The following RORB variants were observed in gnomAD, a reference collection of about 807,000 sequenced individuals.
RORB encodes nuclear receptor ROR-beta.
Under a neutral mutation model 59.1 loss-of-function variants are expected in RORB, and 6 were observed. That is an observed-to-expected ratio of 0.10 (90% confidence interval 0.06 to 0.20). The LOEUF (loss-of-function observed/expected upper bound fraction) is 0.20. Ranked by LOEUF, RORB falls within the 10% of genes least tolerant of loss-of-function variation. The probability of loss-of-function intolerance (pLI) is 1.00; values close to 1 mark genes in which losing one functional copy is unlikely to be tolerated. For synonymous variants in RORB, 215 were observed against 204.5 expected (o/e 1.05, Z -0.44); for missense variants, 320 against 560.5 (o/e 0.57, Z 4.33).
Position 74,692,613 on chromosome 9 carries a change from G to A in RORB, c.*6995G>A, listed in dbSNP as rs1033597736. ...TCTCATTAGCATGCACACCACTGTT[G>A]GCAATGCATAAAAGTTGCATTGCCA... is the stretch of plus-strand genomic sequence containing the variant. On this transcript the variant is annotated 3_prime_UTR_variant, in exon 10 of 10. Coordinates refer to ENST00000376896, the MANE Select transcript of RORB (RefSeq NM_006914.4). 1.3e-5 allele frequency: 2 copies of A among 151,946 alleles called. No homozygotes were observed. The highest frequency in any genetic ancestry group is 2.9e-5 in the Non-Finnish European group (2 of 67,990). The allele number at this position is 151,946 out of a possible 1,614,324, so 9.4% of individuals were successfully genotyped here.
At chr9:74,681,949 T>C (rs1824553997) in intron 9 of RORB, among the ~76,000 whole-genome samples, 1 of 152,224 alleles carries the variant, frequency 6.6e-6, no homozygotes, top group East Asian at 1.9e-4. Flanking sequence ...GACTTTGCCA[T>C]GCATTAACTT....
intron 1 of RORB, among the ~76,000 whole-genome samples, chr9:74,543,372 C>A (rs888793405): frequency 6.6e-6 from 1 of 152,206 alleles, no homozygotes; most frequent in Non-Finnish European, 1.5e-5. Flanking sequence ...GCCACTCGTC[C>A]AACTCATGTA....
chr9:74,534,543 A>G (rs757158463), intron 1 of RORB, among the ~76,000 whole-genome samples: 1 of 152,028 alleles, frequency 6.6e-6, no homozygotes, highest in Non-Finnish European at 1.5e-5. Flanking sequence ...CCCTGGCACC[A>G]GAGTGATGGC....
chr9:74,508,454 T>C (rs1484819412), intron 1 of RORB, among the ~76,000 whole-genome samples: 2 of 152,082 alleles, frequency 1.3e-5, no homozygotes, highest in South Asian at 2.1e-4. Flanking sequence ...TGTTCATTAA[T>C]GATTTTTGAA....
chr9:74,680,329 C>T (rs1824527068), intron 9 of RORB, among the ~76,000 whole-genome samples: 1 of 152,178 alleles, frequency 6.6e-6, no homozygotes, highest in African/African-American at 2.4e-5. Context: ...GTATCTACTT[C>T]ATTCTTCTCC....
At chr9:74,573,564 A>G (rs1587365412) in intron 1 of RORB, among the ~76,000 whole-genome samples, 1 of 152,014 alleles carries the variant, frequency 6.6e-6, no homozygotes, top group African/African-American at 2.4e-5. Context: ...TTGACATGAA[A>G]TCAAATTCAA....
At chr9:74,673,020 G>A (rs79851566) in intron 9 of RORB, among the ~76,000 whole-genome samples, 279 of 152,224 alleles carry the variant, frequency 1.8e-3, no homozygotes, top group African/African-American at 6.6e-3. Context: ...CTTCATTATG[G>A]TAACATTTTG....
intron 1 of RORB, among the ~76,000 whole-genome samples, chr9:74,615,220 C>G (rs1048806735): frequency 6.6e-6 from 1 of 152,074 alleles, no homozygotes; most frequent in African/African-American, 2.4e-5. Context: ...TTGTTACATG[C>G]CATATGCATA....
intron 9 of RORB, among the ~76,000 whole-genome samples, chr9:74,684,215 A>C (rs1824597219): frequency 6.6e-6 from 1 of 152,242 alleles, no homozygotes; most frequent in African/African-American, 2.4e-5. Flanking sequence ...TTAATGAAAG[A>C]GTGGAAGTTT....
chr9:74,587,144 G>T (rs1408816412), intron 1 of RORB, among the ~76,000 whole-genome samples: 1 of 152,136 alleles, frequency 6.6e-6, no homozygotes, highest in African/African-American at 2.4e-5. Context: ...AATTAAGGAG[G>T]TCCAGCCTAG....
chr9:74,552,226 CTCA>C (rs1281217424), intron 1 of RORB, among the ~76,000 whole-genome samples: 1 of 152,112 alleles, frequency 6.6e-6, no homozygotes, highest in African/African-American at 2.4e-5. Context: ...TAATGAGAAT[CTCA>C]TCAGTGGAAG....
intron 1 of RORB, among the ~76,000 whole-genome samples, chr9:74,512,401 T>C (rs564548625): frequency 6.6e-6 from 1 of 152,320 alleles, no homozygotes; most frequent in South Asian, 2.1e-4. Flanking sequence ...CATAAGACTG[T>C]TATAAACTCA....
At chr9:74,635,310 C>A (rs895306262) in intron 3 of RORB, among the ~76,000 whole-genome samples, 2 of 152,140 alleles carry the variant, frequency 1.3e-5, no homozygotes, top group African/African-American at 2.4e-5. Flanking sequence ...AAGGCTAGAG[C>A]GAAGTCCAAG....
At chr9:74,568,198 A>G (rs1303918576) in intron 1 of RORB, among the ~76,000 whole-genome samples, 1 of 152,170 alleles carries the variant, frequency 6.6e-6, no homozygotes, top group Admixed American at 6.5e-5. Context: ...ACACTCACAA[A>G]AGCTGCTTGA....
intron 1 of RORB, among the ~76,000 whole-genome samples, chr9:74,574,534 G>A (rs1822601632): frequency 2.6e-5 from 4 of 152,004 alleles, no homozygotes; most frequent in Admixed American, 2.6e-4. Context: ...ATAAAGCATG[G>A]AATCTGGTAA....
intron 4 of RORB, among the ~76,000 whole-genome samples, chr9:74,650,033 C>T (rs904131286): frequency 6.6e-6 from 1 of 152,130 alleles, no homozygotes; most frequent in South Asian, 2.1e-4. Flanking sequence ...ACAACAAAAT[C>T]TTATTGAGAA....
At chr9:74,611,144 C>T (rs1339437334) in intron 1 of RORB, among the ~76,000 whole-genome samples, 1 of 152,092 alleles carries the variant, frequency 6.6e-6, no homozygotes, top group Non-Finnish European at 1.5e-5. Flanking sequence ...TGCATAATAG[C>T]TGCTGCCTAC....
At chr9:74,610,294 AG>A (rs909492616) in intron 1 of RORB, among the ~76,000 whole-genome samples, 1 of 152,202 alleles carries the variant, frequency 6.6e-6, no homozygotes, top group Non-Finnish European at 1.5e-5. Flanking sequence ...TTTTTTAAAA[AG>A]CTCCCCAAGT....
chr9:74,592,852 C>A (rs980730110), intron 1 of RORB, among the ~76,000 whole-genome samples: 1 of 152,100 alleles, frequency 6.6e-6, no homozygotes, highest in African/African-American at 2.4e-5. Flanking sequence ...CACACATGAA[C>A]ATGCACACAC....
Sources: gnomAD v4.1 joint callset for allele counts (sites outside exome capture counted in the v4.1 genomes callset) on GRCh38, gnomAD v4.1.1 for gene constraint, MANE v1.5 for transcripts, NCBI Gene and HGNC (gene_info 2026-07-23, HGNC 2026-07-21) for gene names.